Variants in OSGIN1 observed in about 807,000 individuals in gnomAD.
OSGIN1 encodes the protein oxidative stress-induced growth inhibitor 1.
In OSGIN1, 19 loss-of-function variants were observed where a neutral mutation model predicts 20.1. The observed-to-expected ratio is 0.95, with a 90% CI of 0.66 to 1.39. The LOEUF is 1.39. Ranked by LOEUF, OSGIN1 falls within the 40% of genes most tolerant of loss-of-function variation. The probability of loss-of-function intolerance (pLI) is 0.00; values close to 1 mark genes in which losing one functional copy is unlikely to be tolerated. For missense variants in OSGIN1, 820 were observed against 653.0 expected (o/e 1.26, Z -2.79); for synonymous variants, 368 against 297.8 (o/e 1.24, Z -2.43).
chr16:83,959,450 C>T (rs1909100767), intron 3 of OSGIN1, 54 bp downstream of exon 3: 2 of 1,511,236 alleles, frequency 1.3e-6, no homozygotes, highest in Non-Finnish European at 8.9e-7. Flanking sequence ...CCTTGGAAAA[C>T]TACCGCCGCT....
chr16:83,964,564 A>G (rs1312744354), intron 5 of OSGIN1, among the ~76,000 whole-genome samples: 2 of 152,176 alleles, frequency 1.3e-5, no homozygotes, highest in Non-Finnish European at 2.9e-5. Context: ...AAATGGAATC[A>G]TACCATATTT....
Position 83,965,558 on chromosome 16 carries a change from C to G in OSGIN1, c.985C>G (p.Leu329Val), listed in dbSNP as rs763050729. 1 of 1,612,898 alleles carries G rather than the reference C, an allele frequency of 6.2e-7. No individual in the cohort carries two copies. The highest frequency in any genetic ancestry group is 1.1e-5 in the South Asian group (1 of 91,080). ...CGACCCTGGCCTGGTGTTCAACCAGCTGCCCAAGATGCTGTACCCCGAGTA... is the reference window on the plus strand; with the variant it reads ...CGACCCTGGCCTGGTGTTCAACCAGGTGCCCAAGATGCTGTACCCCGAGTA... ...VDDPGLVFNQLPKMLYPEYHK... is the reference protein window; with the variant it reads ...VDDPGLVFNQVPKMLYPEYHK... The change falls in exon 6 of 6, where the codon CTG (leucine) becomes GTG (valine). Residue 329 changes from leucine to valine, a missense_variant. By Grantham distance (32) the Leu-to-Val change is conservative. Transcript: ENST00000393306.
intron 5 of OSGIN1, among the ~76,000 whole-genome samples, chr16:83,963,605 T>C (rs1448375165): frequency 6.6e-6 from 1 of 152,128 alleles, no homozygotes; most frequent in East Asian, 1.9e-4. Context: ...TTACAAAAAC[T>C]GAGAAAAGAA....
chr16:83,953,636 C>T (rs970249750), intron 1 of OSGIN1, among the ~76,000 whole-genome samples: 9 of 152,354 alleles, frequency 5.9e-5, no homozygotes, highest in South Asian at 2.1e-4. Context: ...TCCCAGCGTA[C>T]CCTGGGCCAT....
intron 5 of OSGIN1, among the ~76,000 whole-genome samples, chr16:83,961,635 A>G (rs1482711176): frequency 6.6e-6 from 1 of 152,136 alleles, no homozygotes; most frequent in Non-Finnish European, 1.5e-5. Context: ...CTCTTCTTCC[A>G]GAGGGGGAAA....
intron 5 of OSGIN1, among the ~76,000 whole-genome samples, chr16:83,963,645 C>T (rs1364024346): frequency 2.0e-5 from 3 of 152,188 alleles, no homozygotes; most frequent in South Asian, 2.1e-4. Context: ...ATTCCAGGGT[C>T]GCAGACGGGC....
chr16:83,961,781 C>T (rs76344442), intron 5 of OSGIN1, among the ~76,000 whole-genome samples: 1 of 152,022 alleles, frequency 6.6e-6, no homozygotes, highest in African/African-American at 2.4e-5. Flanking sequence ...CTGGGCCTCC[C>T]CATAGTGCCC....
chr16:83,959,040 C>T (rs1165083960), intron 2 of OSGIN1, among the ~76,000 whole-genome samples: 1 of 152,194 alleles, frequency 6.6e-6, no homozygotes, highest in African/African-American at 2.4e-5. Context: ...GCTCTCAGTA[C>T]AATTCCTGGC....
chr16:83,962,932 A>C (rs1396150430), intron 5 of OSGIN1, among the ~76,000 whole-genome samples: 1 of 152,320 alleles, frequency 6.6e-6, no homozygotes, highest in Admixed American at 6.5e-5. Flanking sequence ...GGGGGCCCCA[A>C]GATTGATTTG....
Position 83,959,401 on chromosome 16 carries a change from G to A in OSGIN1, c.204+5G>A. On this transcript the variant is annotated splice_donor_5th_base_variant and intron_variant, in intron 3 of 5. Coordinates refer to ENST00000393306, the MANE Select transcript of OSGIN1 (RefSeq NM_182981.3). ...GGGGTCTCCATCCTGGACCAGGTGGGTCAGCCTGGGGCCAGAGCTCTGGGT... is the reference window on the plus strand; with the variant it reads ...GGGGTCTCCATCCTGGACCAGGTGGATCAGCCTGGGGCCAGAGCTCTGGGT... The A allele has an allele frequency of 1.9e-6, 3 of 1,613,466 alleles. No homozygotes were observed. The highest frequency in any genetic ancestry group is 2.5e-6 in the Non-Finnish European group (3 of 1,179,808).
At chr16:83,958,287 G>A (rs1279875268) in intron 2 of OSGIN1, among the ~76,000 whole-genome samples, 1 of 152,202 alleles carries the variant, frequency 6.6e-6, no homozygotes, top group African/African-American at 2.4e-5. Flanking sequence ...ACACTTCCGA[G>A]AACCCAGGGG....
At chr16:83,957,604 C>G (rs773640335) in intron 1 of OSGIN1, 36 bp from the exon 2 acceptor site, 12 of 1,093,268 alleles carry the variant, frequency 1.1e-5, no homozygotes, top group Non-Finnish European at 1.6e-5. Flanking sequence ...AGGCCTCACC[C>G]GAATGGACTC....
At chr16:83,962,488 A>G (rs893547058) in intron 5 of OSGIN1, among the ~76,000 whole-genome samples, 5 of 152,084 alleles carry the variant, frequency 3.3e-5, no homozygotes, top group Non-Finnish European at 5.9e-5. Context: ...TGATCCGCCC[A>G]CCTCGGCCTC....
intron 3 of OSGIN1, 41 bp from the exon 4 acceptor site, chr16:83,960,528 G>A (rs779783532): frequency 4.2e-5 from 65 of 1,542,838 alleles, no homozygotes; most frequent in African/African-American, 5.4e-5. Flanking sequence ...AGACGACCCC[G>A]CCCTCCTCCA....
chr16:83,965,624 T>C lies in OSGIN1; in HGVS notation c.1051T>C (p.Ser351Pro). 6.2e-7 allele frequency: 1 copy of C among 1,613,140 alleles called. No homozygotes were observed. The highest frequency in any genetic ancestry group is 8.5e-7 in the Non-Finnish European group (1 of 1,179,996). ...HQMMREQSIL[S>P]PSPYEGYRSL... ...GATGATGCGGGAGCAGTCCATCCTGTCGCCCAGCCCCTATGAGGGTTACCG... is the reference window on the plus strand; with the variant it reads ...GATGATGCGGGAGCAGTCCATCCTGCCGCCCAGCCCCTATGAGGGTTACCG... Residue 351 changes from serine to proline, a missense_variant, in exon 6 of 6, where the codon TCG becomes CCG. Ser to Pro is a moderately conservative substitution (Grantham distance 74, BLOSUM62 -1). Transcript: ENST00000393306.
Position 83,965,854 on chromosome 16 carries a change from T to C in OSGIN1, c.1281T>C (p.Ile427=). ...DQPLSAKRNP[I]DVDPFTYQST... is the part of the protein sequence containing the mutation. ...CGCTGAGCGCCAAGAGGAACCCCATTGACGTGGACCCCTTCACCTACCAGA... is the reference window on the plus strand; with the variant it reads ...CGCTGAGCGCCAAGAGGAACCCCATCGACGTGGACCCCTTCACCTACCAGA... Residue 427 remains isoleucine (I), a synonymous_variant, in exon 6 of 6, where the codon ATT becomes ATC. Coordinates refer to ENST00000393306, the MANE Select transcript of OSGIN1 (RefSeq NM_182981.3). 3.1e-6 allele frequency: 5 copies of C among 1,612,900 alleles called. No individual in the cohort carries two copies. Among genetic ancestry groups the C allele is most frequent in the Non-Finnish European group, 4.2e-6 (5 of 1,179,972 alleles).
In OSGIN1 at chr16:83,957,699, G is replaced by C. The variant is rs751893070; in HGVS notation, c.28G>C (p.Gly10Arg). Residue 10 changes from glycine (G) to arginine (R), a missense_variant, in exon 2 of 6, where the codon GGC (glycine) becomes CGC (arginine). Coordinates refer to ENST00000393306, the MANE Select transcript of OSGIN1 (RefSeq NM_182981.3). Reference sequence around the variant, plus strand: ...GAGCTCCTCCAGAAAGGACCACCTCGGCGCCAGCAGCTCAGAGCCCCTCCC... The same window carrying C: ...GAGCTCCTCCAGAAAGGACCACCTCCGCGCCAGCAGCTCAGAGCCCCTCCC... MSSSRKDHL[G>R]ASSSEPLPVI... The C allele has an allele frequency of 6.2e-7, 1 of 1,606,428 alleles. No individual in the cohort carries two copies. Among genetic ancestry groups the C allele is most frequent in the Non-Finnish European group, 8.5e-7 (1 of 1,176,270 alleles).
Position 83,965,861 on chromosome 16 carries a change from G to A in OSGIN1, c.1288G>A (p.Asp430Asn), listed in dbSNP as rs1258650922. ...LSAKRNPIDV[D>N]PFTYQSTRQE... Reference sequence around the variant, plus strand: ...CGCCAAGAGGAACCCCATTGACGTGGACCCCTTCACCTACCAGAGCACCCG... The same window carrying A: ...CGCCAAGAGGAACCCCATTGACGTGAACCCCTTCACCTACCAGAGCACCCG... Residue 430 changes from aspartate (D) to asparagine (N), a missense_variant, in exon 6 of 6, where the codon GAC (aspartate) becomes AAC (asparagine). By Grantham distance (23) the Asp-to-Asn change is conservative. Transcript: ENST00000393306. 1 of 1,612,976 alleles carries A rather than the reference G, an allele frequency of 6.2e-7. No homozygotes were observed. Among genetic ancestry groups the A allele is most frequent in the Admixed American group, 1.7e-5 (1 of 60,018 alleles).
chr16:83,965,707 G>C lies in OSGIN1; in HGVS notation c.1134G>C (p.Gln378His). Residue 378 changes from glutamine to histidine, a missense_variant, in exon 6 of 6, where the codon CAG becomes CAC. Gln to His is a conservative substitution (Grantham distance 24, BLOSUM62 0). Coordinates refer to ENST00000393306, the MANE Select transcript of OSGIN1 (RefSeq NM_182981.3). ...AGGAAGACTGCCAGGCCGTGTTCCA[G>C]GACCTCGAGGGTGTCGAGAAGGTGT... Reference protein sequence around the residue: ...CFKEDCQAVFQDLEGVEKVFG... With the variant: ...CFKEDCQAVFHDLEGVEKVFG... The C allele has an allele frequency of 1.2e-6, 2 of 1,613,656 alleles. No individual in the cohort carries two copies. Among genetic ancestry groups the C allele is most frequent in the South Asian group, 2.2e-5 (2 of 91,088 alleles).
Sources: gnomAD v4.1 joint callset for allele counts (sites outside exome capture counted in the v4.1 genomes callset) on GRCh38, gnomAD v4.1.1 for gene constraint, MANE v1.5 for transcripts, NCBI Gene and HGNC (gene_info 2026-07-23, HGNC 2026-07-21) for gene names.